TSPEAR: variants seen among roughly 807,000 people sequenced by gnomAD.
TSPEAR encodes the protein thrombospondin-type laminin G domain and EAR repeat-containing protein.
In TSPEAR, 69 loss-of-function variants were observed where a neutral mutation model predicts 71.6. The ratio of observed to expected loss-of-function variants is 0.96; its 90% CI spans 0.79 to 1.18. TSPEAR has a LOEUF of 1.18. TSPEAR is among the 50% of genes most tolerant of loss of function. The pLI is 0.00. For missense variants in TSPEAR, 971 were observed against 894.9 expected (o/e 1.09, Z -1.09); for synonymous variants, 402 against 387.2 (o/e 1.04, Z -0.45).
intron 1 of TSPEAR, among the ~76,000 whole-genome samples, chr21:44,706,673 G>A (rs1220461145): frequency 2.9e-4 from 44 of 152,224 alleles, no homozygotes; most frequent in Admixed American, 2.9e-3. Context: ...GGGCCTCAGG[G>A]GTCGCCCCGC....
intron 1 of TSPEAR, among the ~76,000 whole-genome samples, chr21:44,662,489 CAAA>C (rs1194647580): frequency 3.3e-5 from 5 of 151,900 alleles, no homozygotes; most frequent in African/African-American, 4.8e-5. Flanking sequence ...ACACATGCAA[CAAA>C]AAAACTGAGA....
intron 1 of TSPEAR, among the ~76,000 whole-genome samples, chr21:44,615,288 A>C (rs1982003403): frequency 6.6e-6 from 1 of 152,374 alleles, no homozygotes; most frequent in South Asian, 2.1e-4. Context: ...CCGTGCGCTC[A>C]CCCGACCCGC....
chr21:44,637,412 T>C (rs782096681), intron 1 of TSPEAR: 1 of 1,598,148 alleles, frequency 6.3e-7, no homozygotes, highest in Non-Finnish European at 8.5e-7. Context: ...GCCTCCCCAC[T>C]CCAGCATGGC....
At chr21:44,517,525 T>C (rs2052616347) in intron 9 of TSPEAR, 1 of 335,424 alleles carries the variant, frequency 3.0e-6, no homozygotes, top group Non-Finnish European at 5.9e-6. Flanking sequence ...TGAGGACACG[T>C]GAGTACAGGT....
At chr21:44,625,004 A>C (rs587737068) in intron 1 of TSPEAR, among the ~76,000 whole-genome samples, 3 of 152,312 alleles carry the variant, frequency 2.0e-5, no homozygotes, top group African/African-American at 7.2e-5. Context: ...CCAATTCCCC[A>C]CACACAAAAG....
At chr21:44,603,316 C>G (rs1981101129) in intron 1 of TSPEAR, among the ~76,000 whole-genome samples, 1 of 152,228 alleles carries the variant, frequency 6.6e-6, no homozygotes, top group African/African-American at 2.4e-5. Flanking sequence ...GGGCTACACC[C>G]TAAGTCAGCA....
chr21:44,524,107 GTAGTCAGTCAGA>G (rs1311904052), intron 8 of TSPEAR, among the ~76,000 whole-genome samples: 1 of 149,686 alleles, frequency 6.7e-6, no homozygotes, highest in East Asian at 2.0e-4. Flanking sequence ...AGGTAGTCAG[GTAGTCAGTCAGA>G]TAGTCAGTCA....
In TSPEAR at chr21:44,527,289, T is replaced by G. The variant is rs984128132; in HGVS notation, c.1149+3A>C. On this transcript the variant is annotated splice_donor_region_variant and intron_variant, in intron 7 of 11. Coordinates refer to ENST00000323084, the MANE Select transcript of TSPEAR (RefSeq NM_144991.3). Reference sequence around the variant, plus strand: ...TGGAGAAAGTCACCGAACACAGACTTGCCTTTTTCCCGATGGTGAAATGCC... The same window carrying G: ...TGGAGAAAGTCACCGAACACAGACTGGCCTTTTTCCCGATGGTGAAATGCC... 5.0e-6 allele frequency: 8 copies of G among 1,614,030 alleles called. No individual in the cohort carries two copies. Among genetic ancestry groups the G allele is most frequent in the Non-Finnish European group, 6.8e-6 (8 of 1,180,020 alleles).
At chr21:44,613,390 A>G (rs1450433069) in intron 1 of TSPEAR, among the ~76,000 whole-genome samples, 1 of 152,186 alleles carries the variant, frequency 6.6e-6, no homozygotes, top group African/African-American at 2.4e-5. Context: ...GTCCCGGCTC[A>G]GCCCCTGTGA....
chr21:44,578,241 C>G (rs1057427069), intron 1 of TSPEAR, among the ~76,000 whole-genome samples: 1 of 151,070 alleles, frequency 6.6e-6, no homozygotes, highest in Non-Finnish European at 1.5e-5. Flanking sequence ...TAAAGGAAAC[C>G]AAACAAATAA....
At chr21:44,700,751 C>T (rs1483698665) in intron 1 of TSPEAR, among the ~76,000 whole-genome samples, 3 of 152,192 alleles carry the variant, frequency 2.0e-5, no homozygotes, top group Non-Finnish European at 4.4e-5. Flanking sequence ...AGAGGAAATT[C>T]AGGTGTCACT....
chr21:44,711,004 C>T lies in TSPEAR; in HGVS notation c.82+429G>A, dbSNP rs1435955859. Among the ~76,000 whole-genome samples, 3 of 152,194 alleles carry T rather than the reference C, an allele frequency of 2.0e-5. No homozygotes were observed. The highest frequency in any genetic ancestry group is 4.4e-5 in the Non-Finnish European group (3 of 68,036). On this transcript the variant is annotated intron_variant, in intron 1 of 11. Transcript: ENST00000323084. This position sits in a 1 kb window ranked among gnomAD's most constrained non-coding sequence, Gnocchi z 4.5. ...GGAGCAGGGCCGGTGTGGCCCTTCG[C>T]TTTGCTGAGTGCAGGCTGGGGGCAC...
Position 44,612,205 on chromosome 21 carries a change from C to G in TSPEAR, c.83-44200G>C, listed in dbSNP as rs1426860713. Reference sequence around the variant, plus strand: ...TCAGCCGAGTCTCCTCCCCCAGCACCTGCACTGGCTCCTCCTGGCAGGTGG... The same window carrying G: ...TCAGCCGAGTCTCCTCCCCCAGCACGTGCACTGGCTCCTCCTGGCAGGTGG... On this transcript the variant is annotated intron_variant, in intron 1 of 11. Coordinates refer to ENST00000323084, the MANE Select transcript of TSPEAR (RefSeq NM_144991.3). This position sits in a 1 kb window ranked among gnomAD's most constrained non-coding sequence, Gnocchi z 4.1. The G allele has an allele frequency of 6.2e-7, 1 of 1,613,858 alleles. No homozygotes were observed. The highest frequency in any genetic ancestry group is 1.3e-5 in the African/African-American group (1 of 74,900).
intron 1 of TSPEAR, among the ~76,000 whole-genome samples, chr21:44,701,974 G>C (rs1436384081): frequency 6.6e-6 from 1 of 152,098 alleles, no homozygotes; most frequent in South Asian, 2.1e-4. Flanking sequence ...TTTTCCTTCC[G>C]TGAGATCCAC....
intron 1 of TSPEAR, chr21:44,591,666 G>A (rs782133637): frequency 1.1e-4 from 167 of 1,585,800 alleles, no homozygotes; most frequent in East Asian, 8.7e-4. Context: ...CAGAGCAGAC[G>A]GGCACACAGC....
At chr21:44,603,652 G>C (rs1981127345) in intron 1 of TSPEAR, among the ~76,000 whole-genome samples, 1 of 152,200 alleles carries the variant, frequency 6.6e-6, no homozygotes, top group African/African-American at 2.4e-5. Context: ...TCCTGCAAGA[G>C]GAAGGGCGTG....
chr21:44,622,023 G>A (rs1403063429), intron 1 of TSPEAR, among the ~76,000 whole-genome samples: 1 of 152,078 alleles, frequency 6.6e-6, no homozygotes, highest in African/African-American at 2.4e-5. Context: ...TTATATGCAT[G>A]GAACCCCATG....
At position 44,535,102 on chromosome 21, in the gene TSPEAR, G is replaced by A. The variant is rs587773065; in HGVS notation, c.304-1179C>T. The stretch of plus-strand genomic sequence containing the variant: ...GATGGGGAGTAAGTGTTTAATGGGT[G>A]TGGAGTTTCAGTGTTGGGAGACGAA... On this transcript the variant is annotated intron_variant, in intron 2 of 11. Coordinates refer to ENST00000323084, the MANE Select transcript of TSPEAR (RefSeq NM_144991.3). Among the ~76,000 whole-genome samples, 10 of 152,318 alleles carry A rather than the reference G, an allele frequency of 6.6e-5. No individual in the cohort carries two copies. In the South Asian group the frequency reaches 8.3e-4, roughly 13 times the overall value.
chr21:44,597,563 G>A (rs932309178), intron 1 of TSPEAR, among the ~76,000 whole-genome samples: 2 of 151,758 alleles, frequency 1.3e-5, no homozygotes, highest in Non-Finnish European at 2.9e-5. Flanking sequence ...CTCCCAAGTA[G>A]CTGAGATTAC....
Sources: allele counts gnomAD v4.1 joint callset (sites outside exome capture counted in the v4.1 genomes callset), GRCh38; gene constraint gnomAD v4.1.1; non-coding constraint Gnocchi (gnomAD v3.1); transcripts MANE v1.5; gene names NCBI Gene and HGNC (gene_info 2026-07-23, HGNC 2026-07-21).